The following SEMA6D variants were observed in gnomAD, a reference collection of about 807,000 sequenced individuals.
SEMA6D encodes semaphorin 6D, also known as semaphorin-6D.
In SEMA6D, 35 loss-of-function variants were observed where a neutral mutation model predicts 106.6. That is an observed-to-expected ratio of 0.33 (90% confidence interval 0.25 to 0.44). The LOEUF (loss-of-function observed/expected upper bound fraction) is 0.44, where lower values mean the gene tolerates loss of function less well. Ranked by LOEUF, SEMA6D falls within the 20% of genes least tolerant of loss-of-function variation. The probability of loss-of-function intolerance (pLI) is 1.00; values close to 1 mark genes in which losing one functional copy is unlikely to be tolerated. For synonymous variants in SEMA6D, 499 were observed against 487.7 expected (o/e 1.02, Z -0.31); for missense variants, 1,185 against 1,345.9 (o/e 0.88, Z 1.87).
chr15:47,516,261 G>A (rs1021100266), intron 3 of SEMA6D, among the ~76,000 whole-genome samples: 8 of 152,070 alleles, frequency 5.3e-5, no homozygotes, highest in Non-Finnish European at 7.4e-5. Context: ...ATGCTGAACC[G>A]CCAGATACTT....
intron 2 of SEMA6D, among the ~76,000 whole-genome samples, chr15:47,420,499 C>G (rs529080130): frequency 5.3e-5 from 8 of 152,150 alleles, no homozygotes; most frequent in African/African-American, 1.9e-4. Context: ...TCTGTGCATG[C>G]TAGTTGCCCC....
rs1263517167 is a variant in SEMA6D, at chr15:47,772,392, T to TGTGTGTGTGTG, written c.*607_*608insGTGTGTGTGTG. ...TGTGTGTGTGTGTGTGTGTGTGTGT[T>TGTGTGTGTGTG]CTGTACCCACTAGGATTTGTTTAGG... On this transcript the variant is annotated 3_prime_UTR_variant, in exon 19 of 19. Coordinates refer to ENST00000536845, the MANE Select transcript of SEMA6D (RefSeq NM_001358351.3). The TGTGTGTGTGTG allele has an allele frequency of 1.2e-4, 5 of 40,058 alleles. No homozygotes were observed. Among genetic ancestry groups the TGTGTGTGTGTG allele is most frequent in the African/African-American group, 6.0e-4 (5 of 8,402 alleles). The allele number at this position is 40,058 out of a possible 1,614,324, so 2.5% of individuals were successfully genotyped here.
At chr15:47,442,367 G>T (rs1359408495) in intron 2 of SEMA6D, among the ~76,000 whole-genome samples, 1 of 152,068 alleles carries the variant, frequency 6.6e-6, no homozygotes, top group Non-Finnish European at 1.5e-5. Flanking sequence ...AGACTTGGCT[G>T]CCTCTTCTTT....
intron 1 of SEMA6D, among the ~76,000 whole-genome samples, chr15:47,299,392 T>C (rs986194944): frequency 1.3e-5 from 2 of 152,238 alleles, no homozygotes; most frequent in Non-Finnish European, 2.9e-5. Flanking sequence ...AGACTGTTTT[T>C]ATCTAAATTA....
chr15:47,410,413 C>T (rs2040750388), intron 1 of SEMA6D, among the ~76,000 whole-genome samples: 1 of 152,154 alleles, frequency 6.6e-6, no homozygotes, highest in Admixed American at 6.5e-5. Context: ...AAGTGTTACT[C>T]ACATGTTTTA....
At chr15:47,385,516 T>G (rs1261407502) in intron 1 of SEMA6D, among the ~76,000 whole-genome samples, 1 of 152,168 alleles carries the variant, frequency 6.6e-6, no homozygotes, top group Non-Finnish European at 1.5e-5. Flanking sequence ...TCCCTGAGAT[T>G]ATTTTTCATA....
chr15:47,660,611 A>C (rs2077899680), intron 4 of SEMA6D, among the ~76,000 whole-genome samples: 1 of 152,270 alleles, frequency 6.6e-6, no homozygotes, highest in Middle Eastern at 3.4e-3. Flanking sequence ...GGTCTTGGGA[A>C]ATCTTACTTT....
Position 47,351,105 on chromosome 15 carries a change from C to A in SEMA6D, c.-238-61288C>A, listed in dbSNP as rs996040206. Among the ~76,000 whole-genome samples the A allele has an allele frequency of 1.1e-4, 17 of 152,278 alleles. No homozygotes were observed. In the East Asian group the frequency reaches 3.1e-3, roughly 28 times the overall value. On this transcript the variant is annotated intron_variant, in intron 1 of 19. Coordinates refer to the SEMA6D transcript ENST00000558014. ...ATCTCTCATGAATACCCAATGTTTT[C>A]TTGTCTCTGTTTCTCTGCATATCGC... is the stretch of plus-strand genomic sequence containing the variant.
At chr15:47,523,765 A>C (rs190656560) in intron 3 of SEMA6D, among the ~76,000 whole-genome samples, 2 of 152,256 alleles carry the variant, frequency 1.3e-5, no homozygotes, top group African/African-American at 4.8e-5. Context: ...CTAAGTGTAA[A>C]AGGAGCCAGA....
At chr15:47,466,450 C>T (rs1037925972) in intron 2 of SEMA6D, among the ~76,000 whole-genome samples, 3 of 152,036 alleles carry the variant, frequency 2.0e-5, no homozygotes, top group African/African-American at 7.2e-5. Flanking sequence ...GCATAATGTC[C>T]TCAAAGTTCA....
At chr15:47,719,488 T>A (rs1416532813) in intron 1 of SEMA6D, among the ~76,000 whole-genome samples, 7 of 152,172 alleles carry the variant, frequency 4.6e-5, no homozygotes, top group African/African-American at 1.7e-4. Flanking sequence ...GAATTTTAAG[T>A]CTGTAATAAA....
intron 1 of SEMA6D, among the ~76,000 whole-genome samples, chr15:47,390,168 G>C (rs2039977892): frequency 6.6e-6 from 1 of 152,098 alleles, no homozygotes; most frequent in Non-Finnish European, 1.5e-5. Context: ...AGCTGGACTT[G>C]ATGCCAAGCT....
At chr15:47,628,550 T>A (rs1282397798) in intron 4 of SEMA6D, among the ~76,000 whole-genome samples, 1 of 152,076 alleles carries the variant, frequency 6.6e-6, no homozygotes, top group Non-Finnish European at 1.5e-5. Context: ...TTTTTCTAAC[T>A]ATATATCCTC....
intron 3 of SEMA6D, among the ~76,000 whole-genome samples, chr15:47,558,822 T>G (rs914907074): frequency 7.2e-5 from 11 of 152,146 alleles, no homozygotes; most frequent in Admixed American, 7.2e-4. Flanking sequence ...GAGTATAAGA[T>G]AGAATCAGTG....
chr15:47,420,956 G>T lies in SEMA6D; in HGVS notation c.-159+8484G>T, dbSNP rs186319219. ...GACATAGACCATCAGTACCATTGGG[G>T]TTATCATGAAGCATAAAATTGCTAT... On this transcript the variant is annotated intron_variant, in intron 2 of 19. Coordinates refer to the SEMA6D transcript ENST00000558014. Among the ~76,000 whole-genome samples the T allele has an allele frequency of 4.3e-4, 65 of 152,166 alleles. No homozygotes were observed. In the East Asian group the frequency reaches 0.012, roughly 28 times the overall value.
chr15:47,683,868 A>G (rs754117874), intron 4 of SEMA6D, among the ~76,000 whole-genome samples: 40 of 152,218 alleles, frequency 2.6e-4, no homozygotes, highest in African/African-American at 8.2e-4. Flanking sequence ...CTTATAATGT[A>G]TAACTAGTGT....
chr15:47,637,634 T>A (rs76006180), intron 4 of SEMA6D, among the ~76,000 whole-genome samples: 2,801 of 152,290 alleles, frequency 0.018, 82 homozygotes, highest in African/African-American at 0.065. Flanking sequence ...ATAGGTGTGA[T>A]GCTATAATAA....
intron 1 of SEMA6D, among the ~76,000 whole-genome samples, chr15:47,193,714 G>C (rs992281806): frequency 4.6e-5 from 7 of 152,116 alleles, no homozygotes; most frequent in Admixed American, 1.3e-4. Flanking sequence ...TGTGCATGCT[G>C]TTCCCTTCAT....
intron 3 of SEMA6D, among the ~76,000 whole-genome samples, chr15:47,530,054 C>A (rs1331064627): frequency 6.6e-6 from 1 of 152,190 alleles, no homozygotes; most frequent in Non-Finnish European, 1.5e-5. Context: ...CATAGCTCCA[C>A]TCAGCAGTCA....
Sources: gnomAD v4.1 joint callset for allele counts (sites outside exome capture counted in the v4.1 genomes callset) on GRCh38, gnomAD v4.1.1 for gene constraint, MANE v1.5 for transcripts, NCBI Gene and HGNC (gene_info 2026-07-23, HGNC 2026-07-21) for gene names.